RBM27: variants seen among roughly 807,000 people sequenced by gnomAD.
RBM27 encodes the protein RNA binding motif protein 27.
A neutral mutation model predicts 135.3 loss-of-function variants in RBM27; 22 were observed. That is an observed-to-expected ratio of 0.16 (90% CI 0.12 to 0.23). The LOEUF (loss-of-function observed/expected upper bound fraction) is 0.23. RBM27 is among the 10% of genes least tolerant of loss of function. The pLI, the probability that RBM27 is intolerant of heterozygous loss-of-function variation, is 1.00. For synonymous variants in RBM27, 481 were observed against 442.4 expected, an observed-to-expected ratio of 1.09 and a Z score of -1.10; for missense variants, 1,009 against 1,281.0, an observed-to-expected ratio of 0.79 and a Z score of 3.24.
intron 19 of RBM27, among the ~76,000 whole-genome samples, chr5:146,279,470 A>C (rs561841491): frequency 9.3e-5 from 14 of 151,102 alleles, no homozygotes; most frequent in East Asian, 5.9e-4. Flanking sequence ...CAAAAAAAAA[A>C]CAAAACTTTT....
In RBM27 at chr5:146,261,651, C is replaced by T. The variant is rs368768019; in HGVS notation, c.2035C>T (p.Pro679Ser). Residue 679 changes from proline (P) to serine (S), a missense_variant, in exon 13 of 21, where the codon CCG (proline) becomes TCG (serine). Pro to Ser is a moderately conservative substitution (Grantham distance 74). Coordinates refer to ENST00000265271, the MANE Select transcript of RBM27 (RefSeq NM_018989.2). Reference protein sequence around the residue: ...VLWHRENNEQPTLQSSAQLLL... With the variant: ...VLWHRENNEQSTLQSSAQLLL... ...GTGGCATAGGGAAAATAATGAGCAA[C>T]CGACACTACAGTCCTCAGCACAGCT... is the stretch of plus-strand genomic sequence containing the variant. The T allele has an allele frequency of 5.6e-6, 9 of 1,614,026 alleles. No individual in the cohort carries two copies. Among genetic ancestry groups the T allele is most frequent in the Non-Finnish European group, 7.6e-6 (9 of 1,180,034 alleles).
At chr5:146,212,701 TTATAG>T (rs893818048) in intron 1 of RBM27, among the ~76,000 whole-genome samples, 4 of 151,832 alleles carry the variant, frequency 2.6e-5, no homozygotes, top group Admixed American at 1.3e-4. Context: ...TTATATTGTA[TTATAG>T]TATATTACAT....
chr5:146,259,284 G>A (rs1758257629), intron 11 of RBM27, among the ~76,000 whole-genome samples: 1 of 152,016 alleles, frequency 6.6e-6, no homozygotes, highest in Non-Finnish European at 1.5e-5. Context: ...GGGAGGCCAA[G>A]GCGGGTGGAT....
At chr5:146,237,465 G>A in intron 8 of RBM27, 33 bp downstream of exon 8, 3 of 1,610,542 alleles carry the variant, frequency 1.9e-6, no homozygotes, top group South Asian at 1.1e-5. Flanking sequence ...AAAATTGACA[G>A]GGTATAGAAA....
intron 8 of RBM27, among the ~76,000 whole-genome samples, chr5:146,247,943 A>G (rs114211225): frequency 0.012 from 1,775 of 152,288 alleles, 25 homozygotes; most frequent in African/African-American, 0.036. Flanking sequence ...AGTTTCTTCT[A>G]CATTTATTGC....
intron 8 of RBM27, among the ~76,000 whole-genome samples, chr5:146,251,056 TGAGCCAC>T (rs1757864619): frequency 1.0e-5 from 1 of 96,780 alleles, no homozygotes; most frequent in Non-Finnish European, 2.7e-5. Context: ...ATTACAGGCG[TGAGCCAC>T]GTGAGCCACC....
At chr5:146,268,738 C>G (rs538713253) in intron 15 of RBM27, among the ~76,000 whole-genome samples, 2 of 152,082 alleles carry the variant, frequency 1.3e-5, no homozygotes, top group East Asian at 3.9e-4. Flanking sequence ...GCCACCATGC[C>G]CTGGCTAATT....
chr5:146,203,822 G>T lies in RBM27; in HGVS notation c.57G>T (p.Pro19=), dbSNP rs369079405. ...LKSWLAKLLE[P]ICDADPSALA... is the part of the protein sequence containing the mutation. ...CCTGGCTGGCCAAGTTACTGGAGCC[G>T]ATGTGAGTGAGCCGGGCTGGGCCGG... is the stretch of plus-strand genomic sequence containing the variant. Residue 19 remains proline, a splice_region_variant and synonymous_variant, in exon 1 of 21, where the codon CCG becomes CCT. Coordinates refer to ENST00000265271, the MANE Select transcript of RBM27 (RefSeq NM_018989.2). 22 of 1,423,666 alleles carry T rather than the reference G, an allele frequency of 1.5e-5. No homozygotes were observed. The highest frequency in any genetic ancestry group is 2.1e-5 in the Non-Finnish European group (22 of 1,064,382). 88.2% of individuals were successfully genotyped at this position (1,423,666 alleles called of 1,614,324 possible).
At chr5:146,274,479 C>CA (rs1470926450) in intron 19 of RBM27, among the ~76,000 whole-genome samples, 2 of 152,148 alleles carry the variant, frequency 1.3e-5, no homozygotes, top group Non-Finnish European at 2.9e-5. Context: ...AGGCTGGTCT[C>CA]AAACTCCTGG....
At chr5:146,224,582 T>C (rs1756586382) in intron 3 of RBM27, among the ~76,000 whole-genome samples, 1 of 151,916 alleles carries the variant, frequency 6.6e-6, no homozygotes, top group Admixed American at 6.6e-5. Flanking sequence ...CTTGGGAGGC[T>C]GAGGCAGGAG....
rs1032878000 is a variant in RBM27, at chr5:146,287,696, G to A, written c.*1666G>A. On this transcript the variant is annotated 3_prime_UTR_variant, in exon 21 of 21. Transcript: ENST00000265271. ...TCTTTATTCTTCTACATGTTTTCCTGGAATGATGTGTCAAACCAGGGTCAT... is the reference window on the plus strand; with the variant it reads ...TCTTTATTCTTCTACATGTTTTCCTAGAATGATGTGTCAAACCAGGGTCAT... The A allele has an allele frequency of 1.3e-5, 2 of 152,000 alleles. No homozygotes were observed. The highest frequency in any genetic ancestry group is 2.9e-5 in the Non-Finnish European group (2 of 67,970). The allele number at this position is 152,000 out of a possible 1,614,324, so 9.4% of individuals were successfully genotyped here.
intron 2 of RBM27, among the ~76,000 whole-genome samples, chr5:146,222,946 A>G (rs765200582): frequency 2.1e-4 from 32 of 152,316 alleles, no homozygotes; most frequent in Middle Eastern, 3.4e-3. Flanking sequence ...TACCTGTTTT[A>G]TATCCACCGC....
intron 8 of RBM27, among the ~76,000 whole-genome samples, chr5:146,240,033 T>C (rs1224596291): frequency 6.6e-6 from 1 of 152,072 alleles, no homozygotes; most frequent in Non-Finnish European, 1.5e-5. Flanking sequence ...CACCTGAGCG[T>C]CCCAAAGGGT....
chr5:146,207,123 G>A (rs948087742), intron 1 of RBM27, among the ~76,000 whole-genome samples: 4 of 152,248 alleles, frequency 2.6e-5, no homozygotes, highest in Admixed American at 2.6e-4. Flanking sequence ...TTGGCATGTT[G>A]CTACAACATA....
At chr5:146,204,232 A>C (rs1755526668) in intron 1 of RBM27, among the ~76,000 whole-genome samples, 1 of 152,222 alleles carries the variant, frequency 6.6e-6, no homozygotes, top group Admixed American at 6.5e-5. Context: ...GGTTTGATAA[A>C]CATTATTATT....
chr5:146,264,654 T>TAAAA (rs35210934), intron 14 of RBM27, among the ~76,000 whole-genome samples: 1 of 97,902 alleles, frequency 1.0e-5, no homozygotes, highest in Non-Finnish European at 2.1e-5. Flanking sequence ...CAAAGAGAGC[T>TAAAA]AAAAAAAAAA....
chr5:146,213,754 C>T (rs901164726), intron 1 of RBM27, among the ~76,000 whole-genome samples: 3 of 151,918 alleles, frequency 2.0e-5, no homozygotes, highest in African/African-American at 7.3e-5. Flanking sequence ...AATATACGTG[C>T]AATAGAGATT....
chr5:146,284,472 TA>T, intron 19 of RBM27, 149 bp from the exon 20 acceptor site: 1 of 627,758 alleles, frequency 1.6e-6, no homozygotes. Flanking sequence ...AAAGGGACTT[TA>T]TTTTTTTTAG....
chr5:146,237,490 A>G, intron 8 of RBM27, 58 bp downstream of exon 8: 12 of 1,546,836 alleles, frequency 7.8e-6, no homozygotes, highest in South Asian at 4.5e-5. Context: ...AAGTTGTCTC[A>G]TATCAGTATA....
Sources: allele counts gnomAD v4.1 joint callset (sites outside exome capture counted in the v4.1 genomes callset), GRCh38; gene constraint gnomAD v4.1.1; transcripts MANE v1.5; gene names NCBI Gene and HGNC (gene_info 2026-07-23, HGNC 2026-07-21).